EFCAB8: variants seen among roughly 807,000 people sequenced by gnomAD.
EFCAB8 encodes the protein EF-hand calcium-binding domain-containing protein 8.
EFCAB8 carries 100 observed loss-of-function variants against 116.3 expected under a neutral mutation model. The observed-to-expected ratio is 0.86, with a 90% CI of 0.73 to 1.02. The LOEUF is 1.02. Ranked by LOEUF, EFCAB8 falls within the 50% of genes least tolerant of loss-of-function variation. EFCAB8 has a pLI of 0.00. For synonymous variants in EFCAB8, 558 were observed against 567.9 expected, an observed-to-expected ratio of 0.98 and a Z score of 0.25; for missense variants, 1,320 against 1,416.9, an observed-to-expected ratio of 0.93 and a Z score of 1.10.
intron 6 of EFCAB8, among the ~76,000 whole-genome samples, chr20:32,888,115 G>A (rs1985726878): frequency 6.6e-6 from 1 of 151,832 alleles, no homozygotes; most frequent in African/African-American, 2.4e-5. Flanking sequence ...CCAGGCTGGA[G>A]TGGAGTGGTG....
intron 5 of EFCAB8, among the ~76,000 whole-genome samples, chr20:32,880,592 G>A (rs779348592): frequency 2.0e-4 from 31 of 152,118 alleles, no homozygotes; most frequent in Non-Finnish European, 3.7e-4. Flanking sequence ...CAAAATTTTG[G>A]TTGGGATTTA....
chr20:32,950,864 G>A (rs547310504), intron 23 of EFCAB8, among the ~76,000 whole-genome samples: 3 of 152,116 alleles, frequency 2.0e-5, no homozygotes, highest in Admixed American at 6.5e-5. Flanking sequence ...TAGAAGAGAC[G>A]TGATTTCCTT....
intron 11 of EFCAB8, among the ~76,000 whole-genome samples, chr20:32,903,024 C>T (rs1463764865): frequency 1.3e-5 from 2 of 152,226 alleles, no homozygotes; most frequent in East Asian, 1.9e-4. Flanking sequence ...GCCCTCTTAG[C>T]AGCCTCACCG....
intron 20 of EFCAB8, among the ~76,000 whole-genome samples, chr20:32,925,759 G>A (rs759734397): frequency 2.0e-5 from 3 of 152,246 alleles, no homozygotes; most frequent in Admixed American, 6.5e-5. Flanking sequence ...AGTTTAGCCC[G>A]TGAGTAGCTT....
intron 14 of EFCAB8, among the ~76,000 whole-genome samples, chr20:32,909,611 G>C (rs1439276891): frequency 6.6e-6 from 1 of 152,022 alleles, no homozygotes; most frequent in Non-Finnish European, 1.5e-5. Context: ...ACTAGGGTTT[G>C]GAAGGCTCAG....
intron 22 of EFCAB8, among the ~76,000 whole-genome samples, chr20:32,935,868 T>C (rs143097119): frequency 6.6e-6 from 1 of 152,322 alleles, no homozygotes; most frequent in East Asian, 1.9e-4. Context: ...TTCTTATTTA[T>C]TGTGGATGTT....
chr20:32,885,668 C>T (rs1274839613), intron 6 of EFCAB8, 28 bp downstream of exon 6: 2 of 1,550,354 alleles, frequency 1.3e-6, no homozygotes, highest in African/African-American at 2.7e-5. Flanking sequence ...ACATGGTGCA[C>T]ACATGGGTGA....
At position 32,931,209 on chromosome 20, in the gene EFCAB8, T is replaced by C. The variant is rs1290371242; in HGVS notation, c.2663T>C (p.Ile888Thr). 20 of 1,550,090 alleles carry C rather than the reference T, an allele frequency of 1.3e-5. No homozygotes were observed. Among genetic ancestry groups the C allele is most frequent in the Admixed American group, 3.9e-5 (2 of 50,674 alleles). ...GACATCAAGGATTACTGCGCATTGA[T>C]TGATAAACAGCCATTCCAATCCAGT... Reference protein sequence around the residue: ...IWDIKDYCALIDKQPFQSSGA... With the variant: ...IWDIKDYCALTDKQPFQSSGA... Residue 888 changes from isoleucine to threonine, a missense_variant, in exon 22 of 27, where the codon ATT becomes ACT. Ile to Thr is a moderately conservative substitution (Grantham distance 89, BLOSUM62 -1). Coordinates refer to ENST00000400522, the MANE Select transcript of EFCAB8 (RefSeq NM_001143967.2).
intron 20 of EFCAB8, among the ~76,000 whole-genome samples, chr20:32,925,686 G>A (rs545375461): frequency 6.6e-6 from 1 of 152,360 alleles, no homozygotes; most frequent in Admixed American, 6.5e-5. Flanking sequence ...CTTGCCCCTG[G>A]CCATCTCCCC....
intron 20 of EFCAB8, among the ~76,000 whole-genome samples, chr20:32,926,756 C>T (rs372201814): frequency 0.063 from 8,867 of 141,122 alleles, 373 homozygotes; most frequent in African/African-American, 0.12. Flanking sequence ...TGAGAATATG[C>T]GGTGTTTGGT....
At chr20:32,889,834 T>G (rs1985823775) in intron 7 of EFCAB8, among the ~76,000 whole-genome samples, 1 of 151,864 alleles carries the variant, frequency 6.6e-6, no homozygotes, top group African/African-American at 2.4e-5. Flanking sequence ...AAACCCCGCC[T>G]CTACTAAAAA....
rs1193959939 is a variant in EFCAB8, at chr20:32,892,267, T to A, written c.728T>A (p.Leu243Gln). The change falls in exon 8 of 27, where the codon CTG becomes CAG. Residue 243 changes from leucine to glutamine, a missense_variant. Coordinates refer to ENST00000400522, the MANE Select transcript of EFCAB8 (RefSeq NM_001143967.2). Reference sequence around the variant, plus strand: ...GTCCGGGCCTTCACCTTTGTTGATCTGGACAGCTGTGCTCTGGTCATGGAC... The same window carrying A: ...GTCCGGGCCTTCACCTTTGTTGATCAGGACAGCTGTGCTCTGGTCATGGAC... ...KCVRAFTFVD[L>Q]DSCALVMDYW... 4 of 1,551,716 alleles carry A rather than the reference T, an allele frequency of 2.6e-6. No individual in the cohort carries two copies. The South Asian group carries it at 4.8e-5, about 18-fold the overall frequency.
intron 6 of EFCAB8, among the ~76,000 whole-genome samples, chr20:32,889,022 C>T (rs76701260): frequency 0.016 from 2,369 of 152,160 alleles, 55 homozygotes; most frequent in African/African-American, 0.051. Flanking sequence ...GGTGTGTTCA[C>T]GGCTCACTGC....
In EFCAB8 at chr20:32,960,158, T is replaced by C; in HGVS notation, c.3390T>C (p.His1130=). 3 of 1,551,546 alleles carry C rather than the reference T, an allele frequency of 1.9e-6. No individual in the cohort carries two copies. The highest frequency in any genetic ancestry group is 2.6e-6 in the Non-Finnish European group (3 of 1,146,934). ...STRVPYGWMK[H]QISPQVYQSL... ...GGGTGCCATATGGCTGGATGAAGCA[T>C]CAGGTAAGGTGGGATGGGGCAGCTC... Residue 1130 remains histidine (H), a synonymous_variant, in exon 26 of 27, where the codon CAT becomes CAC. Transcript: ENST00000400522.
chr20:32,918,000 G>C (rs1325029501), intron 18 of EFCAB8, among the ~76,000 whole-genome samples: 1 of 152,234 alleles, frequency 6.6e-6, no homozygotes, highest in East Asian at 1.9e-4. Context: ...CTACTGCAGG[G>C]GGGCTCTGGT....
chr20:32,880,208 C>T (rs1001471684), intron 5 of EFCAB8, among the ~76,000 whole-genome samples: 1 of 151,872 alleles, frequency 6.6e-6, no homozygotes, highest in Non-Finnish European at 1.5e-5. Context: ...AAGGCAGCCC[C>T]GGTCCTCAGG....
At chr20:32,901,335 T>C (rs542461222) in intron 11 of EFCAB8, among the ~76,000 whole-genome samples, 1 of 152,262 alleles carries the variant, frequency 6.6e-6, no homozygotes, top group Non-Finnish European at 1.5e-5. Flanking sequence ...TAAATAAAAA[T>C]CACAAAAAAG....
At chr20:32,917,939 G>T (rs1987264092) in intron 18 of EFCAB8, among the ~76,000 whole-genome samples, 1 of 152,232 alleles carries the variant, frequency 6.6e-6, no homozygotes, top group African/African-American at 2.4e-5. Flanking sequence ...GACCTTAGGG[G>T]CCGCCTCATC....
Position 32,876,039 on chromosome 20 carries a change from A to T in EFCAB8, c.322A>T (p.Thr108Ser). ...KVDSDCEGFVTWQKYVDYMMR... is the reference protein window; with the variant it reads ...KVDSDCEGFVSWQKYVDYMMR... ...GGACTCGGACTGTGAAGGCTTTGTC[A>T]CCTGGGTGAGGAGGGTGCCCCTGCT... Residue 108 changes from threonine (T) to serine (S), a missense_variant, in exon 4 of 27, where the codon ACC becomes TCC. Coordinates refer to ENST00000400522, the MANE Select transcript of EFCAB8 (RefSeq NM_001143967.2). 1 of 1,551,888 alleles carries T rather than the reference A, an allele frequency of 6.4e-7. No individual in the cohort carries two copies. The highest frequency in any genetic ancestry group is 8.7e-7 in the Non-Finnish European group (1 of 1,147,058).
Sources: allele counts gnomAD v4.1 joint callset (sites outside exome capture counted in the v4.1 genomes callset), GRCh38; gene constraint gnomAD v4.1.1; transcripts MANE v1.5; gene names NCBI Gene and HGNC (gene_info 2026-07-23, HGNC 2026-07-21).